Variants in EPB41L4B observed in about 807,000 individuals in gnomAD.
EPB41L4B encodes band 4.1-like protein 4B.
EPB41L4B carries 30 observed loss-of-function variants against 112.5 expected under a neutral mutation model. That is an observed-to-expected ratio of 0.27 (90% confidence interval 0.20 to 0.36). The LOEUF is 0.36. Among genes scored for constraint, EPB41L4B ranks in the 10% least tolerant of loss-of-function variants. The pLI is 1.00. For missense variants in EPB41L4B, 1,024 were observed against 1,133.3 expected (o/e 0.90, Z 1.38); for synonymous variants, 408 against 439.7 (o/e 0.93, Z 0.90).
At chr9:109,311,935 G>T (rs1181347915) in intron 1 of EPB41L4B, among the ~76,000 whole-genome samples, 2 of 152,216 alleles carry the variant, frequency 1.3e-5, no homozygotes, top group African/African-American at 4.8e-5. Flanking sequence ...AAGCAACACA[G>T]ATTCTGCATG....
chr9:109,211,267 T>G (rs1833155558), intron 17 of EPB41L4B, among the ~76,000 whole-genome samples: 1 of 151,980 alleles, frequency 6.6e-6, no homozygotes, highest in Non-Finnish European at 1.5e-5. Flanking sequence ...GCAAGGAATG[T>G]TTCATGGATG....
intron 2 of EPB41L4B, among the ~76,000 whole-genome samples, chr9:109,274,203 T>C (rs1436970891): frequency 6.6e-6 from 1 of 152,168 alleles, no homozygotes; most frequent in East Asian, 1.9e-4. Flanking sequence ...AAAAGCTCCC[T>C]TTTCATGTTG....
At chr9:109,188,697 C>T (rs1243308148) in intron 22 of EPB41L4B, among the ~76,000 whole-genome samples, 3 of 152,180 alleles carry the variant, frequency 2.0e-5, no homozygotes, top group African/African-American at 7.2e-5. Flanking sequence ...ACACCTAACC[C>T]AGGGCCTGTT....
intron 1 of EPB41L4B, among the ~76,000 whole-genome samples, chr9:109,301,737 G>A (rs1411306062): frequency 1.3e-5 from 2 of 152,080 alleles, no homozygotes; most frequent in South Asian, 4.2e-4. Context: ...ATCTTATATG[G>A]GTAAGCTACA....
At chr9:109,296,610 G>A (rs979916370) in intron 1 of EPB41L4B, among the ~76,000 whole-genome samples, 11 of 152,162 alleles carry the variant, frequency 7.2e-5, no homozygotes, top group African/African-American at 2.7e-4. Flanking sequence ...GTGAGGCCAG[G>A]TGCAGTGGCT....
At chr9:109,264,449 C>A (rs1423149196) in intron 5 of EPB41L4B, among the ~76,000 whole-genome samples, 1 of 152,174 alleles carries the variant, frequency 6.6e-6, no homozygotes, top group Non-Finnish European at 1.5e-5. Flanking sequence ...GCGAAATCAA[C>A]CACTTCAGTG....
At chr9:109,192,935 G>T (rs895183865) in intron 21 of EPB41L4B, among the ~76,000 whole-genome samples, 1 of 152,152 alleles carries the variant, frequency 6.6e-6, no homozygotes, top group Non-Finnish European at 1.5e-5. Flanking sequence ...CCAGGAGAGG[G>T]AGCCCTGTGG....
chr9:109,303,938 TCTCA>T (rs1293169357), intron 1 of EPB41L4B, among the ~76,000 whole-genome samples: 4 of 152,178 alleles, frequency 2.6e-5, no homozygotes, highest in African/African-American at 7.2e-5. Context: ...GCTGTTCTGT[TCTCA>T]CTGTCTTGGG....
intron 15 of EPB41L4B, among the ~76,000 whole-genome samples, chr9:109,226,698 A>AGAATATATATATGAAG (rs201325007): frequency 0.026 from 3,507 of 136,378 alleles, 107 homozygotes; most frequent in Non-Finnish European, 0.047. Context: ...ATATATATGA[A>AGAATATATATATGAAG]TATATATATG....
At chr9:109,183,041 C>T (rs1306400014) in intron 23 of EPB41L4B, among the ~76,000 whole-genome samples, 1 of 152,102 alleles carries the variant, frequency 6.6e-6, no homozygotes, top group African/African-American at 2.4e-5. Context: ...TCTCGTGTTC[C>T]TAGAGCGCCC....
chr9:109,229,384 G>A (rs1265890942), intron 15 of EPB41L4B, among the ~76,000 whole-genome samples: 4 of 152,152 alleles, frequency 2.6e-5, no homozygotes, highest in Non-Finnish European at 5.9e-5. Context: ...TAGGTACTAC[G>A]CCAGCTGATG....
intron 15 of EPB41L4B, chr9:109,240,152 CA>C (rs937792365): frequency 1.1e-4 from 108 of 976,204 alleles, no homozygotes; most frequent in South Asian, 1.0e-3. Context: ...AAGATGGAGT[CA>C]AAAAAAAAGC....
chr9:109,290,260 T>C (rs1213136921), intron 1 of EPB41L4B, among the ~76,000 whole-genome samples: 2 of 152,198 alleles, frequency 1.3e-5, no homozygotes, highest in South Asian at 2.1e-4. Flanking sequence ...AAAAGCAAGA[T>C]AGCAAATGAG....
intron 1 of EPB41L4B, among the ~76,000 whole-genome samples, chr9:109,288,439 G>A (rs565226614): frequency 2.1e-4 from 32 of 152,128 alleles, no homozygotes; most frequent in African/African-American, 7.0e-4. Context: ...AAAAAACTAG[G>A]GCTAGGCACA....
intron 23 of EPB41L4B, 125 bp downstream of exon 23, chr9:109,185,364 C>A: frequency 1.3e-6 from 1 of 762,588 alleles, no homozygotes; most frequent in Admixed American, 2.2e-5. Context: ...AGTGAGGGCA[C>A]CTGTCGATGG....
At position 109,217,070 on chromosome 9, in the gene EPB41L4B, C is replaced by T. The variant is rs1477062602; in HGVS notation, c.1485G>A (p.Pro495=). ...GCCTTCCTGAAGCTGCGGTGAGGAACGGTGTGCCCCCATTCTCCTCAATGC... is the reference window on the plus strand; with the variant it reads ...GCCTTCCTGAAGCTGCGGTGAGGAATGGTGTGCCCCCATTCTCCTCAATGC... ...PFGIEENGGT[P]FLTAASGRHH... Residue 495 remains proline, a synonymous_variant, in exon 16 of 26, where the codon CCG becomes CCA. Coordinates refer to ENST00000374566, the MANE Select transcript of EPB41L4B (RefSeq NM_019114.5). 5 of 1,614,176 alleles carry T rather than the reference C, an allele frequency of 3.1e-6. No individual in the cohort carries two copies. The South Asian group carries it at 4.4e-5, about 14-fold the overall frequency.
chr9:109,275,912 T>C (rs979297994), intron 2 of EPB41L4B, among the ~76,000 whole-genome samples: 11 of 152,004 alleles, frequency 7.2e-5, no homozygotes, highest in Non-Finnish European at 1.2e-4. Context: ...ATTTGACAAA[T>C]GCCTCTCCCT....
At chr9:109,268,950 G>A (rs1353002116) in intron 2 of EPB41L4B, among the ~76,000 whole-genome samples, 1 of 151,036 alleles carries the variant, frequency 6.6e-6, no homozygotes, top group African/African-American at 2.4e-5. Flanking sequence ...CATTTTTCTG[G>A]GGAGGGGACT....
intron 15 of EPB41L4B, among the ~76,000 whole-genome samples, chr9:109,219,638 G>A (rs1424374688): frequency 2.6e-5 from 4 of 152,302 alleles, no homozygotes; most frequent in African/African-American, 4.8e-5. Context: ...ACAGGCGTGA[G>A]CCACCGTGCC....
Sources: gnomAD v4.1 joint callset for allele counts (sites outside exome capture counted in the v4.1 genomes callset) on GRCh38, gnomAD v4.1.1 for gene constraint, MANE v1.5 for transcripts, NCBI Gene and HGNC (gene_info 2026-07-23, HGNC 2026-07-21) for gene names.